Variants in ZBTB44 observed in about 807,000 individuals in gnomAD.
ZBTB44 encodes zinc finger and BTB domain containing 44, also known as zinc finger and BTB domain-containing protein 44.
ZBTB44 carries 15 observed loss-of-function variants against 54.0 expected under a neutral mutation model. That is an observed-to-expected ratio of 0.28 (90% CI 0.19 to 0.43). ZBTB44 has a LOEUF of 0.43. Among genes scored for constraint, ZBTB44 ranks in the 20% least tolerant of loss-of-function variants. ZBTB44 has a pLI of 1.00. For synonymous variants in ZBTB44, 230 were observed against 250.1 expected, an observed-to-expected ratio of 0.92 and a Z score of 0.76; for missense variants, 487 against 707.1, an observed-to-expected ratio of 0.69 and a Z score of 3.53.
At chr11:130,274,693 A>G (rs951463660) in intron 1 of ZBTB44, among the ~76,000 whole-genome samples, 3 of 152,234 alleles carry the variant, frequency 2.0e-5, no homozygotes, top group African/African-American at 7.2e-5. Context: ...GCAACCTGGA[A>G]AAAATCCCAG....
chr11:130,296,227 C>A, intron 1 of ZBTB44: 1 of 1,299,552 alleles, frequency 7.7e-7, no homozygotes, highest in South Asian at 1.3e-5. Context: ...GATGATAAAG[C>A]TAATACAACA....
chr11:130,285,286 TTTTC>T (rs1565676677), intron 1 of ZBTB44: 1 of 149,098 alleles, frequency 6.7e-6, no homozygotes, highest in African/African-American at 2.6e-5. Flanking sequence ...GTTATTCTTG[TTTTC>T]TTTTTTTTTT....
chr11:130,313,996 T>C (rs1278359333), intron 1 of ZBTB44, among the ~76,000 whole-genome samples: 1 of 151,960 alleles, frequency 6.6e-6, no homozygotes, highest in African/African-American at 2.4e-5. Context: ...TCTTTTTCTT[T>C]CTGTACCAGA....
At chr11:130,232,985 AGAGT>A (rs1953935788) in intron 7 of ZBTB44, 1 of 214,252 alleles carries the variant, frequency 4.7e-6, no homozygotes, top group African/African-American at 2.3e-5. Flanking sequence ...CCTGGGCAAC[AGAGT>A]GAGATGCCAT....
chr11:130,266,295 G>C (rs748548547), intron 1 of ZBTB44, among the ~76,000 whole-genome samples: 1 of 152,202 alleles, frequency 6.6e-6, no homozygotes, highest in Non-Finnish European at 1.5e-5. Context: ...TGTTGAGGCC[G>C]ACTGCTCACA....
chr11:130,292,024 T>C lies in ZBTB44; in HGVS notation c.-57+22351A>G, dbSNP rs149156112. 1.7e-3 allele frequency among the ~76,000 whole-genome samples: 254 copies of C among 152,358 alleles called. 5 individuals carry two copies. The South Asian group carries it at 0.034, about 21-fold the overall frequency. ...TTTATATAAATGGGATTATATAGTA[T>C]GTACTCTTTTTTTCTGGCTTCTTTC... is the stretch of plus-strand genomic sequence containing the variant. On this transcript the variant is annotated intron_variant, in intron 1 of 7. Transcript: ENST00000357899.
chr11:130,291,870 A>AT (rs1221803853), intron 1 of ZBTB44, among the ~76,000 whole-genome samples: 1 of 152,216 alleles, frequency 6.6e-6, no homozygotes, highest in Non-Finnish European at 1.5e-5. Context: ...TATAACATAT[A>AT]TATCACCACC....
At chr11:130,280,358 T>TTAAACA (rs1275505185) in intron 1 of ZBTB44, among the ~76,000 whole-genome samples, 3 of 152,094 alleles carry the variant, frequency 2.0e-5, no homozygotes, top group Admixed American at 1.3e-4. Context: ...TACATACCAT[T>TTAAACA]TAAACACTAA....
At chr11:130,239,631 GAAAA>G in intron 3 of ZBTB44, 177 bp downstream of exon 3, 1 of 416,574 alleles carries the variant, frequency 2.4e-6, no homozygotes, top group South Asian at 3.1e-5. Context: ...AAATGCTGGG[GAAAA>G]AAAAAAGCCT....
chr11:130,304,938 A>C (rs1341961724), intron 1 of ZBTB44, among the ~76,000 whole-genome samples: 1 of 152,230 alleles, frequency 6.6e-6, no homozygotes, highest in Non-Finnish European at 1.5e-5. Context: ...TACACAAATC[A>C]GTAGCACTGC....
chr11:130,244,040 T>C (rs1047002045), intron 2 of ZBTB44, among the ~76,000 whole-genome samples: 3 of 152,144 alleles, frequency 2.0e-5, no homozygotes, highest in African/African-American at 7.2e-5. Context: ...CAAAGCCCAT[T>C]TGTGTTTTGG....
chr11:130,238,603 C>A lies in ZBTB44; in HGVS notation c.1108G>T (p.Glu370Ter). 6.2e-7 allele frequency: 1 copy of A among 1,607,734 alleles called. No homozygotes were observed. Among genetic ancestry groups the A allele is most frequent in the South Asian group, 1.1e-5 (1 of 89,726 alleles). The change falls in exon 4 of 8, where the codon GAA (glutamate) becomes TAA (stop). Residue 370 changes from glutamate (E) to a stop codon, truncating the protein, a stop_gained. Coordinates refer to ENST00000357899, the MANE Select transcript of ZBTB44 (RefSeq NM_001301098.2). LOFTEE classifies it high-confidence loss of function. ...NAPPDDDDRLENVQYPYQLYI... is the reference protein window; with the variant it reads ...NAPPDDDDRL ...AGTTGGTAGGGATACTGAACATTTT[C>A]CAATCTAAAAAAAACAGACCAAAGA...
At chr11:130,237,377 C>T (rs1387636800) in intron 4 of ZBTB44, among the ~76,000 whole-genome samples, 2 of 152,178 alleles carry the variant, frequency 1.3e-5, no homozygotes, top group Admixed American at 6.5e-5. Context: ...ATTTTACTAA[C>T]TTCAAAACAC....
At chr11:130,243,597 G>A (rs1247987867) in intron 2 of ZBTB44, among the ~76,000 whole-genome samples, 1 of 152,224 alleles carries the variant, frequency 6.6e-6, no homozygotes, top group Non-Finnish European at 1.5e-5. Flanking sequence ...AGGACAGGGA[G>A]CAGGTTTAGT....
chr11:130,273,067 T>C (rs949122450), intron 1 of ZBTB44, among the ~76,000 whole-genome samples: 1 of 152,196 alleles, frequency 6.6e-6, no homozygotes, highest in Non-Finnish European at 1.5e-5. Flanking sequence ...AGAATCAGAC[T>C]GTCAATCTTT....
At chr11:130,242,858 C>A (rs1264303103) in intron 2 of ZBTB44, among the ~76,000 whole-genome samples, 22 of 152,176 alleles carry the variant, frequency 1.4e-4, no homozygotes, top group Admixed American at 1.4e-3. Flanking sequence ...TTAGAGCTTC[C>A]ATCAAACCTA....
At chr11:130,307,150 T>C (rs1592081409) in intron 1 of ZBTB44, among the ~76,000 whole-genome samples, 1 of 149,644 alleles carries the variant, frequency 6.7e-6, no homozygotes, top group East Asian at 2.0e-4. Flanking sequence ...GTAGCCCGGG[T>C]GTGGTGGCTA....
intron 1 of ZBTB44, among the ~76,000 whole-genome samples, chr11:130,309,187 G>T (rs1942444616): frequency 6.6e-6 from 1 of 152,202 alleles, no homozygotes; most frequent in Non-Finnish European, 1.5e-5. Context: ...CTCTCTTGCT[G>T]ATCTGCCCGT....
intron 1 of ZBTB44, among the ~76,000 whole-genome samples, chr11:130,271,028 G>C (rs1005511090): frequency 1.3e-5 from 2 of 152,166 alleles, no homozygotes; most frequent in Non-Finnish European, 2.9e-5. Flanking sequence ...GGAGCAGATA[G>C]AGCAAAAGGC....
Sources: gnomAD v4.1 joint callset for allele counts (sites outside exome capture counted in the v4.1 genomes callset) on GRCh38, gnomAD v4.1.1 for gene constraint, MANE v1.5 for transcripts, NCBI Gene and HGNC (gene_info 2026-07-23, HGNC 2026-07-21) for gene names.